SYNPO: variants seen among roughly 807,000 people sequenced by gnomAD.
The protein encoded by SYNPO is synaptopodin.
In SYNPO, 19 loss-of-function variants were observed where a neutral mutation model predicts 49.5. The ratio of observed to expected loss-of-function variants is 0.38; its 90% CI spans 0.27 to 0.56. SYNPO has a LOEUF of 0.56. Ranked by LOEUF, SYNPO falls within the 20% of genes least tolerant of loss-of-function variation. The pLI is 0.68. For synonymous variants in SYNPO, 536 were observed against 548.0 expected (o/e 0.98, Z 0.31); for missense variants, 1,131 against 1,248.3 (o/e 0.91, Z 1.42).
At chr5:150,591,507 G>T in the SYNPO span, among the ~76,000 whole-genome samples, 1 of 152,200 alleles carries the variant, frequency 6.6e-6, no homozygotes, top group Admixed American at 6.5e-5. Flanking sequence ...GGGCAGAAGC[G>T]CCGTCTCAGA....
chr5:150,638,758 G>T (rs1757798783), upstream of SYNPO, among the ~76,000 whole-genome samples: 1 of 152,200 alleles, frequency 6.6e-6, no homozygotes, highest in Non-Finnish European at 1.5e-5. Flanking sequence ...CTGTTTAGGG[G>T]AAACCACCTC....
chr5:150,607,199 T>C (rs1375518714), intron 1 of SYNPO, among the ~76,000 whole-genome samples: 1 of 151,842 alleles, frequency 6.6e-6, no homozygotes, highest in Non-Finnish European at 1.5e-5. Context: ...AGATATGGCA[T>C]AAAAGTAGCA....
In SYNPO at chr5:150,648,559, A is replaced by T; in HGVS notation, c.284A>T (p.Asp95Val). The T allele has an allele frequency of 6.2e-7, 1 of 1,614,130 alleles. No homozygotes were observed. The highest frequency in any genetic ancestry group is 8.5e-7 in the Non-Finnish European group (1 of 1,180,012). ...SNSSHNPPAT[D>V]VNQNPPATVV... is the part of the protein sequence containing the mutation. The stretch of plus-strand genomic sequence containing the variant: ...AGCAGCCACAATCCGCCAGCCACCG[A>T]TGTCAATCAGAACCCACCGGCAACT... The change falls in exon 2 of 3, where the codon GAT becomes GTT. Residue 95 changes from aspartate (D) to valine (V), a missense_variant. Asp to Val is a radical substitution (Grantham distance 152). Around this residue, in one of 4 missense-constraint regions of SYNPO, gnomAD observed 602 missense variants for 720.7 expected, o/e 0.84. Coordinates refer to ENST00000307662, the MANE Select transcript of SYNPO (RefSeq NM_007286.6). The surrounding 1 kb of genome is among the most constrained non-coding windows in gnomAD (Gnocchi z 5.0).
At position 150,659,202 on chromosome 5, in the gene SYNPO, T is replaced by C; in HGVS notation, c.*2115T>C. ...GCTCTGGCCCTCAATAAATGCTTCC[T>C]GCATTCTTCTGCCTCCTGTGTCATT... On this transcript the variant is annotated 3_prime_UTR_variant, in exon 3 of 3. Coordinates refer to ENST00000307662, the MANE Select transcript of SYNPO (RefSeq NM_007286.6). The C allele has an allele frequency of 6.6e-6, 1 of 152,544 alleles. No homozygotes were observed. The highest frequency in any genetic ancestry group is 2.1e-4 in the South Asian group (1 of 4,832). 9.4% of individuals were successfully genotyped at this position (152,544 alleles called of 1,614,324 possible). A position where few individuals can be genotyped will look rare whatever the true frequency, so the allele number is the denominator to read the frequency against.
In SYNPO at chr5:150,656,999, T is replaced by C. The variant is rs764831685; in HGVS notation, c.2624T>C (p.Leu875Pro). ...EDSGAKSPGI[L>P]GYNICPRGWN... ...TCCGGGGCTAAGTCTCCAGGCATCC[T>C]GGGCTACAATATCTGTCCCCGCGGG... The change falls in exon 3 of 3, where the codon CTG (leucine) becomes CCG (proline). Residue 875 changes from leucine to proline, a missense_variant. Leu to Pro is a moderately conservative substitution (Grantham distance 98). Transcript: ENST00000307662. 1.0e-5 allele frequency: 16 copies of C among 1,601,912 alleles called. No individual in the cohort carries two copies. In the South Asian group the frequency reaches 1.7e-4, roughly 17 times the overall value.
At chr5:150,638,911 G>C (rs542150087), upstream of SYNPO, among the ~76,000 whole-genome samples, 1 of 152,240 alleles carries the variant, frequency 6.6e-6, no homozygotes, top group Non-Finnish European at 1.5e-5. Context: ...AGGGGGCTTC[G>C]TGAGCACAGG....
rs1326480466 is a variant in SYNPO at position 150,658,793 on chromosome 5, G to A, written c.*1706G>A. The A allele has an allele frequency of 6.6e-6, 1 of 152,452 alleles. No homozygotes were observed. The highest frequency in any genetic ancestry group is 1.5e-5 in the Non-Finnish European group (1 of 68,122). The allele number at this position is 152,452 out of a possible 1,614,324, so 9.4% of individuals were successfully genotyped here. ...GGGTTGGGACAGGGTGCTTTGGAAT[G>A]AAAGAGTGACCTTAGAGGGCTCCTT... On this transcript the variant is annotated 3_prime_UTR_variant, in exon 3 of 3. Coordinates refer to ENST00000307662, the MANE Select transcript of SYNPO (RefSeq NM_007286.6).
At chr5:150,618,493 T>C (rs1249347143) in exon 2 of SYNPO, 1 of 1,551,272 alleles carries the variant, frequency 6.4e-7, no homozygotes, top group Non-Finnish European at 8.7e-7. Flanking sequence ...AGAGCAGCGG[T>C]GAGGAGGGCC....
intron 2 of SYNPO, among the ~76,000 whole-genome samples, chr5:150,634,648 G>A (rs1460956419): frequency 2.0e-5 from 3 of 152,008 alleles, no homozygotes; most frequent in Non-Finnish European, 4.4e-5. Context: ...GTGAGACCTC[G>A]TCTGTACAAA....
upstream of SYNPO, among the ~76,000 whole-genome samples, chr5:150,599,399 G>T (rs534536048): frequency 4.6e-5 from 7 of 152,342 alleles, no homozygotes; most frequent in East Asian, 1.4e-3. Flanking sequence ...GAAAGTGACT[G>T]TTATTGGCTG....
At chr5:150,651,000 G>T in intron 2 of SYNPO, 1 of 1,238,432 alleles carries the variant, frequency 8.1e-7, no homozygotes, top group Non-Finnish European at 1.0e-6. Flanking sequence ...TTTTCTTCCT[G>T]CCCCCTCTGA....
chr5:150,637,578 G>A (rs921597461), upstream of SYNPO, among the ~76,000 whole-genome samples: 3 of 152,204 alleles, frequency 2.0e-5, no homozygotes, highest in Non-Finnish European at 2.9e-5. Flanking sequence ...CTGAGACCCC[G>A]TCTGGGGAAC....
At chr5:150,656,261 G>C in intron 2 of SYNPO, 143 bp from the exon 3 acceptor site, 1 of 649,744 alleles carries the variant, frequency 1.5e-6, no homozygotes. Context: ...GGGCGCCTGC[G>C]TTTTATTGCA....
At chr5:150,591,724 T>C in the SYNPO span, among the ~76,000 whole-genome samples, 1 of 152,126 alleles carries the variant, frequency 6.6e-6, no homozygotes, top group African/African-American at 2.4e-5. Context: ...GTAAATAAAA[T>C]ACAATAAAAA....
chr5:150,611,530 T>C (rs1399216169), intron 1 of SYNPO, among the ~76,000 whole-genome samples: 1 of 152,182 alleles, frequency 6.6e-6, no homozygotes, highest in East Asian at 1.9e-4. Context: ...AGGGCTGGTT[T>C]CCTATGGCTC....
At position 150,648,953 on chromosome 5, in the gene SYNPO, C is replaced by A. The variant is rs748443057; in HGVS notation, c.678C>A (p.His226Gln). The change falls in exon 2 of 3, where the codon CAC becomes CAA. Residue 226 changes from histidine to glutamine, a missense_variant. Transcript: ENST00000307662. This position sits in a 1 kb window ranked among gnomAD's most constrained non-coding sequence, Gnocchi z 5.0. ...TTPTKVYSEV[H>Q]FTLAKPPSVV... ...CCACCAAGGTCTACAGTGAGGTCCA[C>A]TTCACACTGGCCAAGCCCCCATCAG... 3.7e-6 allele frequency: 6 copies of A among 1,614,272 alleles called. No homozygotes were observed. The highest frequency in any genetic ancestry group is 1.7e-6 in the Non-Finnish European group (2 of 1,180,050).
chr5:150,624,701 C>A (rs1757292168), intron 2 of SYNPO: 1 of 388,290 alleles, frequency 2.6e-6, no homozygotes, highest in Non-Finnish European at 3.5e-6. Flanking sequence ...GCCCGCCCAG[C>A]GCTCCCGGCT....
chr5:150,624,797 G>GCGCGGGGCGGGGGTGGCGGGGAC, intron 2 of SYNPO: 2 of 958,176 alleles, frequency 2.1e-6, no homozygotes, highest in Non-Finnish European at 2.5e-6. Flanking sequence ...CCTGGGCCTG[G>GCGCGGGGCGGGGGTGGCGGGGAC]CGCGGGGCGG....
intron 2 of SYNPO, among the ~76,000 whole-genome samples, chr5:150,631,628 C>G (rs934253675): frequency 6.6e-6 from 1 of 152,114 alleles, no homozygotes; most frequent in Admixed American, 6.5e-5. Context: ...GAAAGAGGAG[C>G]ATGCTGGTGC....
Sources: gnomAD v4.1 joint callset for allele counts (sites outside exome capture counted in the v4.1 genomes callset) on GRCh38, gnomAD v4.1.1 for gene constraint, gnomAD v4.1.1 regional missense constraint, Gnocchi (gnomAD v3.1) non-coding constraint, MANE v1.5 for transcripts, NCBI Gene and HGNC (gene_info 2026-07-23, HGNC 2026-07-21) for gene names.